SMPD3: variants seen among roughly 807,000 people sequenced by gnomAD.
The protein encoded by SMPD3 is sphingomyelin phosphodiesterase 3.
SMPD3 carries 21 observed loss-of-function variants against 55.7 expected under a neutral mutation model. The ratio of observed to expected loss-of-function variants is 0.38; its 90% CI spans 0.27 to 0.54. The LOEUF (loss-of-function observed/expected upper bound fraction) is 0.54. Among genes scored for constraint, SMPD3 ranks in the 20% least tolerant of loss-of-function variants. The pLI, the probability that SMPD3 is intolerant of heterozygous loss-of-function variation, is 0.80. For missense variants in SMPD3, 842 were observed against 899.6 expected (o/e 0.94, Z 0.82); for synonymous variants, 457 against 404.3 (o/e 1.13, Z -1.56).
chr16:68,447,975 G>T lies in SMPD3; in HGVS notation c.-269+378C>A, dbSNP rs919478450. ...ACCTCGAGCAGCCGAAGTGTTGCGG[G>T]GAGGGGTCCCCCTGCCTCGAGTCCC... On this transcript the variant is annotated intron_variant, in intron 1 of 8. Coordinates refer to ENST00000219334, the MANE Select transcript of SMPD3 (RefSeq NM_018667.4). The surrounding 1 kb of genome is among the most constrained non-coding windows in gnomAD (Gnocchi z 5.1). Among the ~76,000 whole-genome samples the T allele has an allele frequency of 6.6e-6, 1 of 152,148 alleles. No individual in the cohort carries two copies. Among genetic ancestry groups the T allele is most frequent in the African/African-American group, 2.4e-5 (1 of 41,438 alleles).
chr16:68,362,442 A>G (rs1192522296), intron 7 of SMPD3, among the ~76,000 whole-genome samples: 1 of 152,208 alleles, frequency 6.6e-6, no homozygotes, highest in Non-Finnish European at 1.5e-5. Context: ...TTGCCCTGAG[A>G]CAAGCAGTAT....
chr16:68,398,262 C>T (rs988026648), intron 1 of SMPD3, among the ~76,000 whole-genome samples: 3 of 152,182 alleles, frequency 2.0e-5, no homozygotes, highest in Non-Finnish European at 2.9e-5. Flanking sequence ...AGGAAGTTCA[C>T]AGAAAAGGTG....
Position 68,372,332 on chromosome 16 carries a change from T to C in SMPD3, c.-151A>G. The C allele has an allele frequency of 9.6e-7, 1 of 1,040,298 alleles. No individual in the cohort carries two copies. The allele number at this position is 1,040,298 out of a possible 1,614,324, so 64.4% of individuals were successfully genotyped here. A position where few individuals can be genotyped will look rare whatever the true frequency, so the allele number is the denominator to read the frequency against. On this transcript the variant is annotated 5_prime_UTR_variant, in exon 3 of 9. Coordinates refer to ENST00000219334, the MANE Select transcript of SMPD3 (RefSeq NM_018667.4). ...AACTCCGGCTGGTCAATGGCGAATG[T>C]TGGCCAGCCGGTCATGGTTCACCTC... is the stretch of plus-strand genomic sequence containing the variant.
intron 1 of SMPD3, among the ~76,000 whole-genome samples, chr16:68,411,959 G>T (rs573838147): frequency 2.6e-5 from 4 of 152,256 alleles, no homozygotes; most frequent in Non-Finnish European, 5.9e-5. Context: ...AGGCTGGGGT[G>T]GGGGAGCTTT....
At chr16:68,365,411 G>A (rs983371157) in intron 3 of SMPD3, among the ~76,000 whole-genome samples, 1 of 152,086 alleles carries the variant, frequency 6.6e-6, no homozygotes, top group African/African-American at 2.4e-5. Context: ...AGTGACCAGC[G>A]TGGCCACGGC....
intron 2 of SMPD3, among the ~76,000 whole-genome samples, chr16:68,384,439 A>G (rs1221107899): frequency 6.6e-6 from 1 of 152,236 alleles, no homozygotes; most frequent in African/African-American, 2.4e-5. Context: ...TGCAGTCTGC[A>G]TACTAGAAAG....
At chr16:68,410,077 G>A (rs1284655444) in intron 1 of SMPD3, among the ~76,000 whole-genome samples, 1 of 152,242 alleles carries the variant, frequency 6.6e-6, no homozygotes, top group Non-Finnish European at 1.5e-5. Context: ...CCTGTCCCGA[G>A]GGCTGTAAGA....
chr16:68,445,178 G>A (rs1489592527), intron 1 of SMPD3, among the ~76,000 whole-genome samples: 1 of 152,174 alleles, frequency 6.6e-6, no homozygotes, highest in Non-Finnish European at 1.5e-5. Context: ...GGGCTACATT[G>A]TTTTTGAGGA....
At position 68,359,546 on chromosome 16, in the gene SMPD3, G is replaced by A. The variant is rs1441759461; in HGVS notation, c.*1660C>T. The A allele has an allele frequency of 2.6e-5, 4 of 152,810 alleles. No individual in the cohort carries two copies. Among genetic ancestry groups the A allele is most frequent in the African/African-American group, 9.6e-5 (4 of 41,464 alleles). 9.5% of individuals were successfully genotyped at this position (152,810 alleles called of 1,614,324 possible). On this transcript the variant is annotated 3_prime_UTR_variant, in exon 9 of 9. Transcript: ENST00000219334. ...GGGCCAGGCATCTGGCTGGCTGCGT[G>A]GCCCCCTCTTGGTCCCTCTTGCAGC... is the stretch of plus-strand genomic sequence containing the variant.
At chr16:68,361,403 C>T in intron 8 of SMPD3, 96 bp from the exon 9 acceptor site, 1 of 1,394,710 alleles carries the variant, frequency 7.2e-7, no homozygotes, top group Non-Finnish European at 9.9e-7. Flanking sequence ...GGCCCCGGGG[C>T]TGGGGTGGGC....
At chr16:68,409,811 T>C (rs1040682526) in intron 1 of SMPD3, among the ~76,000 whole-genome samples, 18 of 152,168 alleles carry the variant, frequency 1.2e-4, no homozygotes, top group African/African-American at 4.3e-4. Flanking sequence ...GCCGGGATGG[T>C]CTCGACTCCT....
intron 6 of SMPD3, 51 bp from the exon 7 acceptor site, chr16:68,363,610 G>T (rs945691659): frequency 1.9e-6 from 3 of 1,563,414 alleles, no homozygotes; most frequent in Non-Finnish European, 2.6e-6. Flanking sequence ...GGCCCAGGCA[G>T]CCTCTAGGGG....
chr16:68,361,188 C>T lies in SMPD3; in HGVS notation c.*18G>A. ...TGCAGCTGCAAGGGCTGGCAGAGGCCCCGCTGCTCCGGACGGTCTATGCCT... is the reference window on the plus strand; with the variant it reads ...TGCAGCTGCAAGGGCTGGCAGAGGCTCCGCTGCTCCGGACGGTCTATGCCT... On this transcript the variant is annotated 3_prime_UTR_variant, in exon 9 of 9. Transcript: ENST00000219334. 2 of 1,607,350 alleles carry T rather than the reference C, an allele frequency of 1.2e-6. No individual in the cohort carries two copies. The highest frequency in any genetic ancestry group is 1.1e-5 in the South Asian group (1 of 90,332).
chr16:68,384,359 T>G (rs1169040843), intron 2 of SMPD3, among the ~76,000 whole-genome samples: 1 of 152,226 alleles, frequency 6.6e-6, no homozygotes, highest in East Asian at 1.9e-4. Flanking sequence ...CTAGAGGACC[T>G]TAGGCTGAGG....
In SMPD3 at chr16:68,358,329, G is replaced by C. The variant is rs1420520398; in HGVS notation, c.*2877C>G. ...GAAATAAGTGGAGAACACCAGCCTT[G>C]AGCCTCACAGTTTTATTTTCTCCTC... On this transcript the variant is annotated 3_prime_UTR_variant, in exon 9 of 9. Coordinates refer to ENST00000219334, the MANE Select transcript of SMPD3 (RefSeq NM_018667.4). 6.5e-6 allele frequency: 1 copy of C among 152,754 alleles called. No individual in the cohort carries two copies. Among genetic ancestry groups the C allele is most frequent in the Non-Finnish European group, 1.5e-5 (1 of 68,046 alleles). 9.5% of individuals were successfully genotyped at this position (152,754 alleles called of 1,614,324 possible). A position where few individuals can be genotyped will look rare whatever the true frequency, so the allele number is the denominator to read the frequency against.
intron 1 of SMPD3, among the ~76,000 whole-genome samples, chr16:68,428,098 T>C (rs1008324563): frequency 6.6e-6 from 1 of 152,140 alleles, no homozygotes; most frequent in Admixed American, 6.5e-5. Context: ...ATGTTTGCTT[T>C]GGAGTGTCTG....
At chr16:68,443,110 C>G (rs1458222085) in intron 1 of SMPD3, among the ~76,000 whole-genome samples, 1 of 152,172 alleles carries the variant, frequency 6.6e-6, no homozygotes, top group Non-Finnish European at 1.5e-5. Context: ...ATGGGGAGTT[C>G]TCAGAAACCG....
At chr16:68,431,644 G>A (rs1020156744) in intron 1 of SMPD3, among the ~76,000 whole-genome samples, 1 of 152,198 alleles carries the variant, frequency 6.6e-6, no homozygotes, top group Non-Finnish European at 1.5e-5. Context: ...GATTTCGGCC[G>A]GGTGTCATGG....
intron 2 of SMPD3, among the ~76,000 whole-genome samples, chr16:68,379,910 G>A (rs924256499): frequency 3.3e-5 from 5 of 152,244 alleles, no homozygotes; most frequent in African/African-American, 1.2e-4. Context: ...CTCAAGCCAG[G>A]TGAGTGGTGC....
Sources: allele counts gnomAD v4.1 joint callset (sites outside exome capture counted in the v4.1 genomes callset), GRCh38; gene constraint gnomAD v4.1.1; non-coding constraint Gnocchi (gnomAD v3.1); transcripts MANE v1.5; gene names NCBI Gene and HGNC (gene_info 2026-07-23, HGNC 2026-07-21).